The following SYNE2 variants were observed in gnomAD, a reference collection of about 807,000 sequenced individuals.
SYNE2 encodes the protein spectrin repeat containing nuclear envelope protein 2, also known as nesprin-2.
Under a neutral mutation model 856.3 loss-of-function variants are expected in SYNE2, and 431 were observed. The observed-to-expected ratio is 0.50, with a 90% confidence interval of 0.47 to 0.55. The LOEUF (loss-of-function observed/expected upper bound fraction) is 0.55. Ranked by LOEUF, SYNE2 falls within the 20% of genes least tolerant of loss-of-function variation. The pLI, the probability that SYNE2 is intolerant of heterozygous loss-of-function variation, is 0.00. For missense variants in SYNE2, 8,129 were observed against 8,023.2 expected (o/e 1.01, Z -0.50); for synonymous variants, 2,923 against 2,872.3 (o/e 1.02, Z -0.56).
chr14:63,847,207 G>A (rs976219009), intron 1 of SYNE2, among the ~76,000 whole-genome samples: 1 of 151,632 alleles, frequency 6.6e-6, no homozygotes, highest in African/African-American at 2.4e-5. Flanking sequence ...TACTTTGAGA[G>A]GCCAAGGTAG....
At chr14:63,779,536 G>A (rs1248694269) in intron 1 of SYNE2, among the ~76,000 whole-genome samples, 1 of 151,032 alleles carries the variant, frequency 6.6e-6, no homozygotes, top group Non-Finnish European at 1.5e-5. Flanking sequence ...TTTTTTGTAA[G>A]ATCAGGAACA....
rs963770656 is a variant in SYNE2, at chr14:64,120,980, A to G, written c.13077A>G (p.Gln4359=). 6.2e-7 allele frequency: 1 copy of G among 1,614,194 alleles called. No homozygotes were observed. Among genetic ancestry groups the G allele is most frequent in the Admixed American group, 1.7e-5 (1 of 60,020 alleles). Residue 4359 remains glutamine (Q), a synonymous_variant, in exon 68 of 116, where the codon CAA becomes CAG. Transcript: ENST00000555002. ...AGCCAGAGCATCAAGAAGCTCTCCA[A>G]CCAGTTAACCTTTCTGAATTGGAAT... ...SSEPEHQEAL[Q]PVNLSELESI...
intron 2 of SYNE2, among the ~76,000 whole-genome samples, chr14:63,921,536 G>T (rs2095600815): frequency 6.6e-6 from 1 of 152,130 alleles, no homozygotes; most frequent in South Asian, 2.1e-4. Context: ...GTGGTATCAT[G>T]GACCCCAGAG....
chr14:64,008,769 G>A (rs2096820760), intron 31 of SYNE2, among the ~76,000 whole-genome samples: 1 of 152,074 alleles, frequency 6.6e-6, no homozygotes, highest in Non-Finnish European at 1.5e-5. Context: ...GAAGAAGAGA[G>A]GCCAGGGTGG....
At chr14:64,184,335 T>TGTGTGTGTGC (rs2098477755) in intron 96 of SYNE2, among the ~76,000 whole-genome samples, 1 of 144,426 alleles carries the variant, frequency 6.9e-6, no homozygotes, top group Non-Finnish European at 1.5e-5. Context: ...TAGGGGTGTG[T>TGTGTGTGTGC]GTGTGTGTGT....
At chr14:63,882,689 GA>G (rs2094892545) in intron 1 of SYNE2, among the ~76,000 whole-genome samples, 1 of 152,162 alleles carries the variant, frequency 6.6e-6, no homozygotes, top group East Asian at 1.9e-4. Flanking sequence ...GTGTGTGACA[GA>G]GTGGGCCCCT....
chr14:64,157,339 A>G (rs891557594), intron 85 of SYNE2, among the ~76,000 whole-genome samples: 3 of 152,206 alleles, frequency 2.0e-5, no homozygotes, highest in African/African-American at 4.8e-5. Context: ...ATAGAATCAT[A>G]TGCTATATAG....
chr14:63,790,123 G>C (rs1168285551), intron 1 of SYNE2, among the ~76,000 whole-genome samples: 1 of 152,110 alleles, frequency 6.6e-6, no homozygotes, highest in Non-Finnish European at 1.5e-5. Flanking sequence ...ATTGAGCCCA[G>C]GAGTTCCAGA....
chr14:63,940,896 GAT>G (rs1255154230), intron 3 of SYNE2, among the ~76,000 whole-genome samples: 29 of 152,230 alleles, frequency 1.9e-4, no homozygotes, highest in Non-Finnish European at 8.8e-5. Context: ...TTTTGTTGAG[GAT>G]ATGGGACAGT....
chr14:63,974,837 T>TGTGTGTGTGTAC (rs2096521276), intron 11 of SYNE2, among the ~76,000 whole-genome samples: 1 of 30,648 alleles, frequency 3.3e-5, no homozygotes, highest in Non-Finnish European at 5.3e-5. Flanking sequence ...TATATAGACG[T>TGTGTGTGTGTAC]GTGTGTGTGT....
intron 23 of SYNE2, 36 bp from the exon 24 acceptor site, chr14:63,996,911 C>G (rs750626534): frequency 6.3e-7 from 1 of 1,592,950 alleles, no homozygotes; most frequent in Admixed American, 1.7e-5. Context: ...TGTAAACTCA[C>G]CAGAAGCACA....
At chr14:63,956,325 C>T (rs1041378578) in intron 8 of SYNE2, 1 of 443,218 alleles carries the variant, frequency 2.3e-6, no homozygotes, top group Middle Eastern at 4.4e-4. Flanking sequence ...AAATGTAATA[C>T]AGTAATTGGG....
At chr14:63,920,203 G>A (rs545735430) in intron 2 of SYNE2, among the ~76,000 whole-genome samples, 15 of 151,774 alleles carry the variant, frequency 9.9e-5, no homozygotes, top group South Asian at 4.2e-4. Flanking sequence ...ACACACAAGC[G>A]CGTAAACTAT....
At chr14:63,910,072 T>G (rs2095454899) in intron 2 of SYNE2, among the ~76,000 whole-genome samples, 1 of 152,160 alleles carries the variant, frequency 6.6e-6, no homozygotes, top group Admixed American at 6.5e-5. Flanking sequence ...TGGAGTTGAG[T>G]AAAGTAAGCT....
chr14:63,998,279 A>G lies in SYNE2; in HGVS notation c.3304A>G (p.Ser1102Gly). 1 of 1,614,102 alleles carries G rather than the reference A, an allele frequency of 6.2e-7. No homozygotes were observed. The highest frequency in any genetic ancestry group is 8.5e-7 in the Non-Finnish European group (1 of 1,179,950). ...AGTGTTAAGGCCTCTGCAAGAAGAA[A>G]GCATTATGGAAAAGGATTACAGTGC... ...ASVLRPLQEE[S>G]IMEKDYSASI... Residue 1102 changes from serine to glycine, a missense_variant, in exon 26 of 116, where the codon AGC becomes GGC. Coordinates refer to ENST00000555002, the MANE Select transcript of SYNE2 (RefSeq NM_182914.3).
intron 1 of SYNE2, among the ~76,000 whole-genome samples, chr14:63,824,638 C>CAAAA (rs34659476): frequency 3.1e-5 from 4 of 129,656 alleles, no homozygotes; most frequent in South Asian, 2.4e-4. Context: ...GAATCTGTCT[C>CAAAA]AAAAAAAAAA....
chr14:63,994,565 C>T (rs2096697374), intron 22 of SYNE2, among the ~76,000 whole-genome samples: 1 of 152,142 alleles, frequency 6.6e-6, no homozygotes, highest in Non-Finnish European at 1.5e-5. Context: ...AGTATAGTAT[C>T]GTTGATACGA....
At chr14:63,909,322 GAGATAAATATAT>G in intron 2 of SYNE2, 95 bp downstream of exon 2, 2 of 752,562 alleles carry the variant, frequency 2.7e-6, no homozygotes, top group Non-Finnish European at 4.6e-6. Flanking sequence ...CTCTCTTATG[GAGATAAATATAT>G]CTGTATTTTT....
intron 64 of SYNE2, among the ~76,000 whole-genome samples, chr14:64,103,059 A>G (rs2097746205): frequency 6.6e-6 from 1 of 152,144 alleles, no homozygotes; most frequent in Non-Finnish European, 1.5e-5. Flanking sequence ...CAGTTGATGG[A>G]CACTTCGGTT....
Sources: gnomAD v4.1 joint callset for allele counts (sites outside exome capture counted in the v4.1 genomes callset) on GRCh38, gnomAD v4.1.1 for gene constraint, MANE v1.5 for transcripts, NCBI Gene and HGNC (gene_info 2026-07-23, HGNC 2026-07-21) for gene names.